NXPH1: variants seen among roughly 807,000 people sequenced by gnomAD.
NXPH1 encodes the protein neurexophilin-1.
NXPH1 carries 5 observed loss-of-function variants against 23.7 expected under a neutral mutation model. That is an observed-to-expected ratio of 0.21 (90% CI 0.11 to 0.44). NXPH1 has a LOEUF of 0.44. NXPH1 is among the 20% of genes least tolerant of loss of function. The probability of loss-of-function intolerance (pLI) is 0.99; values close to 1 mark genes in which losing one functional copy is unlikely to be tolerated. For synonymous variants in NXPH1, 144 were observed against 122.2 expected, an observed-to-expected ratio of 1.18 and a Z score of -1.18; for missense variants, 324 against 321.6, an observed-to-expected ratio of 1.01 and a Z score of -0.06.
intron 2 of NXPH1, among the ~76,000 whole-genome samples, chr7:8,629,472 T>C (rs563561669): frequency 8.1e-4 from 124 of 152,228 alleles, no homozygotes; most frequent in African/African-American, 2.9e-3. Flanking sequence ...TTACATGCAG[T>C]TGGGGGAGAT....
intron 2 of NXPH1, among the ~76,000 whole-genome samples, chr7:8,732,575 GGTAATACAAAA>G (rs1325618502): frequency 6.6e-6 from 1 of 152,080 alleles, no homozygotes; most frequent in Non-Finnish European, 1.5e-5. Context: ...TCGTTTTATG[GGTAATACAAAA>G]GTGATTCTGA....
At position 8,513,190 on chromosome 7, in the gene NXPH1, G is replaced by C. The variant is rs1817637591; in HGVS notation, c.54+77423G>C. On this transcript the variant is annotated intron_variant, in intron 2 of 2. Transcript: ENST00000405863. Reference sequence around the variant, plus strand: ...GGTCTTTGAATGGGGTCATGAACATGGAATAGGAATTTTACAGGTGGATGA... The same window carrying C: ...GGTCTTTGAATGGGGTCATGAACATCGAATAGGAATTTTACAGGTGGATGA... Among the ~76,000 whole-genome samples, 3 of 152,028 alleles carry C rather than the reference G, an allele frequency of 2.0e-5. No homozygotes were observed. The South Asian group carries it at 6.2e-4, about 31-fold the overall frequency.
chr7:8,732,754 G>T (rs541197878), intron 2 of NXPH1, among the ~76,000 whole-genome samples: 33 of 152,084 alleles, frequency 2.2e-4, no homozygotes, highest in African/African-American at 8.0e-4. Context: ...CTGGGTTATT[G>T]TCTCCTTGTT....
intron 2 of NXPH1, among the ~76,000 whole-genome samples, chr7:8,661,004 C>T (rs1293480849): frequency 7.0e-6 from 1 of 143,580 alleles, no homozygotes; most frequent in Non-Finnish European, 1.5e-5. Context: ...TTATATGGAA[C>T]GATCTTTTCC....
At chr7:8,443,503 C>T (rs1816342063) in intron 2 of NXPH1, among the ~76,000 whole-genome samples, 2 of 152,268 alleles carry the variant, frequency 1.3e-5, no homozygotes, top group African/African-American at 2.4e-5. Flanking sequence ...CCTCTTCCCC[C>T]GGCGAGGAAC....
chr7:8,695,617 G>A (rs76195908), intron 2 of NXPH1, among the ~76,000 whole-genome samples: 4,159 of 152,072 alleles, frequency 0.027, 157 homozygotes, highest in East Asian at 0.18. Context: ...AGCCTTCTTT[G>A]TTAAGGAATT....
intron 2 of NXPH1, among the ~76,000 whole-genome samples, chr7:8,485,054 A>T (rs1450701788): frequency 6.6e-6 from 1 of 152,158 alleles, no homozygotes; most frequent in African/African-American, 2.4e-5. Flanking sequence ...CAGGGAACAA[A>T]ATGGCATTAT....
chr7:8,524,779 C>G (rs935475216), intron 2 of NXPH1, among the ~76,000 whole-genome samples: 3 of 152,150 alleles, frequency 2.0e-5, no homozygotes, highest in African/African-American at 7.2e-5. Context: ...CCTCATTTTT[C>G]TCTTGCTGCC....
At chr7:8,617,968 C>T (rs548727830) in intron 2 of NXPH1, among the ~76,000 whole-genome samples, 1 of 152,040 alleles carries the variant, frequency 6.6e-6, no homozygotes, top group Admixed American at 6.6e-5. Context: ...CAAGTGGGTA[C>T]ATCTCATGTA....
intron 2 of NXPH1, among the ~76,000 whole-genome samples, chr7:8,445,450 C>A (rs1356387338): frequency 6.6e-6 from 1 of 152,172 alleles, no homozygotes; most frequent in Non-Finnish European, 1.5e-5. Context: ...TTTCTGCCTC[C>A]CTGCCTCTAA....
At chr7:8,535,429 A>G (rs1048241959) in intron 2 of NXPH1, among the ~76,000 whole-genome samples, 2 of 152,142 alleles carry the variant, frequency 1.3e-5, no homozygotes, top group East Asian at 1.9e-4. Flanking sequence ...ACAAAAATAT[A>G]CCCTGAAATT....
intron 2 of NXPH1, among the ~76,000 whole-genome samples, chr7:8,558,009 A>C (rs144649857): frequency 1.8e-4 from 27 of 151,814 alleles, no homozygotes; most frequent in African/African-American, 4.8e-4. Context: ...TCATAAAAAA[A>C]AGGTTCAAAG....
intron 2 of NXPH1, among the ~76,000 whole-genome samples, chr7:8,678,777 A>C (rs1349517594): frequency 1.3e-5 from 2 of 151,898 alleles, no homozygotes; most frequent in Non-Finnish European, 2.9e-5. Context: ...CTAGGGAAAA[A>C]AAAAATAGTC....
At chr7:8,503,295 G>A (rs1369115174) in intron 2 of NXPH1, among the ~76,000 whole-genome samples, 1 of 151,992 alleles carries the variant, frequency 6.6e-6, no homozygotes, top group Admixed American at 6.6e-5. Flanking sequence ...GAAGGTCACA[G>A]GAGTAATAAG....
intron 2 of NXPH1, among the ~76,000 whole-genome samples, chr7:8,483,388 T>A (rs1405553468): frequency 6.6e-6 from 1 of 151,936 alleles, no homozygotes; most frequent in Non-Finnish European, 1.5e-5. Context: ...TGGAGTAGAG[T>A]GGTGTGATCT....
At chr7:8,590,607 T>G (rs1367003152) in intron 2 of NXPH1, among the ~76,000 whole-genome samples, 1 of 152,088 alleles carries the variant, frequency 6.6e-6, no homozygotes, top group Non-Finnish European at 1.5e-5. Context: ...TCATGAACAA[T>G]AAATGTTAAA....
chr7:8,606,331 C>A (rs532596520), intron 2 of NXPH1, among the ~76,000 whole-genome samples: 5 of 152,160 alleles, frequency 3.3e-5, no homozygotes, highest in African/African-American at 1.2e-4. Context: ...CCTACGTAAC[C>A]CCTAACCACA....
chr7:8,586,709 A>G (rs1373696488), intron 2 of NXPH1, among the ~76,000 whole-genome samples: 1 of 152,040 alleles, frequency 6.6e-6, no homozygotes, highest in Non-Finnish European at 1.5e-5. Context: ...ATTTTAGGAT[A>G]AAAGTAGTGA....
chr7:8,443,442 A>T (rs1280261394), intron 2 of NXPH1, among the ~76,000 whole-genome samples: 1 of 152,270 alleles, frequency 6.6e-6, no homozygotes. Flanking sequence ...AAACTGAGGC[A>T]ACCAACTTAT....
Sources: allele counts gnomAD v4.1 joint callset (sites outside exome capture counted in the v4.1 genomes callset), GRCh38; gene constraint gnomAD v4.1.1; transcripts MANE v1.5; gene names NCBI Gene and HGNC (gene_info 2026-07-23, HGNC 2026-07-21).